The following LAMA3 variants were observed in gnomAD, a reference collection of about 807,000 sequenced individuals.
The protein encoded by LAMA3 is laminin subunit alpha-3.
A neutral mutation model predicts 402.0 loss-of-function variants in LAMA3; 281 were observed. The ratio of observed to expected loss-of-function variants is 0.70; its 90% CI spans 0.63 to 0.77. The LOEUF is 0.77. Ranked by LOEUF, LAMA3 falls within the 30% of genes least tolerant of loss-of-function variation. The pLI, the probability that LAMA3 is intolerant of heterozygous loss-of-function variation, is 0.00. For missense variants in LAMA3, 3,840 were observed against 4,215.5 expected (o/e 0.91, Z 2.47); for synonymous variants, 1,431 against 1,558.4 (o/e 0.92, Z 1.93).
At chr18:23,848,178 C>G (rs892379391) in intron 32 of LAMA3, among the ~76,000 whole-genome samples, 2 of 152,162 alleles carry the variant, frequency 1.3e-5, no homozygotes, top group African/African-American at 4.8e-5. Context: ...GCCTCCACAG[C>G]AGGGCTTGGT....
At chr18:23,763,680 G>A (rs544236058) in intron 8 of LAMA3, among the ~76,000 whole-genome samples, 157 bp downstream of exon 8, 3 of 152,206 alleles carry the variant, frequency 2.0e-5, no homozygotes, top group Non-Finnish European at 4.4e-5. Flanking sequence ...TTGTTAGCTG[G>A]ATGTAATTTA....
At chr18:23,701,704 A>C (rs992990756) in intron 1 of LAMA3, among the ~76,000 whole-genome samples, 4 of 152,168 alleles carry the variant, frequency 2.6e-5, no homozygotes, top group Non-Finnish European at 5.9e-5. Context: ...ATGATTTGCA[A>C]TTTCCGCTGA....
intron 9 of LAMA3, among the ~76,000 whole-genome samples, chr18:23,775,068 G>C (rs1043055414): frequency 1.3e-5 from 2 of 152,130 alleles, no homozygotes; most frequent in Non-Finnish European, 2.9e-5. Context: ...ATTAAGCAAA[G>C]GACACCAGGA....
chr18:23,808,029 C>T (rs2062996940), intron 12 of LAMA3, among the ~76,000 whole-genome samples: 1 of 152,158 alleles, frequency 6.6e-6, no homozygotes, highest in African/African-American at 2.4e-5. Context: ...GCTAGGGGAG[C>T]ATTAGACACG....
chr18:23,720,599 C>G (rs1158246047), intron 2 of LAMA3, among the ~76,000 whole-genome samples: 1 of 152,096 alleles, frequency 6.6e-6, no homozygotes, highest in African/African-American at 2.4e-5. Context: ...CGTGATCCAC[C>G]CACCTCAGCC....
chr18:23,801,240 T>G (rs1429668912), intron 12 of LAMA3, among the ~76,000 whole-genome samples: 1 of 152,030 alleles, frequency 6.6e-6, no homozygotes, highest in African/African-American at 2.4e-5. Context: ...TAACATTGAG[T>G]ACACATGGAC....
intron 32 of LAMA3, among the ~76,000 whole-genome samples, chr18:23,850,711 C>T (rs528032475): frequency 1.5e-3 from 235 of 152,262 alleles, no homozygotes; most frequent in African/African-American, 5.1e-3. Context: ...CTATTTATAG[C>T]GATGAAAAAG....
At chr18:23,795,260 A>G (rs934415530) in intron 12 of LAMA3, among the ~76,000 whole-genome samples, 2 of 152,252 alleles carry the variant, frequency 1.3e-5, no homozygotes, top group Non-Finnish European at 2.9e-5. Flanking sequence ...CGAAACATTC[A>G]TAGCAAGGGA....
In LAMA3 at chr18:23,884,799, G is replaced by C; in HGVS notation, c.5249G>C (p.Gly1750Ala). 1 of 1,613,924 alleles carries C rather than the reference G, an allele frequency of 6.2e-7. No individual in the cohort carries two copies. Among genetic ancestry groups the C allele is most frequent in the South Asian group, 1.1e-5 (1 of 91,032 alleles). ...NSFATGCVVN[G>A]GDVRCSCKAG... Reference sequence around the variant, plus strand: ...TTTGCCACTGGCTGTGTGGTGAATGGGGGAGACGTGCGGTGCTCCTGCAAA... The same window carrying C: ...TTTGCCACTGGCTGTGTGGTGAATGCGGGAGACGTGCGGTGCTCCTGCAAA... The change falls in exon 41 of 75, where the codon GGG becomes GCG. Residue 1750 changes from glycine to alanine, a missense_variant. Transcript: ENST00000313654.
chr18:23,794,248 T>G (rs2062720115), intron 12 of LAMA3, among the ~76,000 whole-genome samples: 1 of 152,142 alleles, frequency 6.6e-6, no homozygotes, highest in East Asian at 1.9e-4. Flanking sequence ...GGGGGAAGAT[T>G]AGAGTCCTGC....
chr18:23,739,373 C>A (rs2061526815), intron 2 of LAMA3, among the ~76,000 whole-genome samples: 1 of 152,126 alleles, frequency 6.6e-6, no homozygotes, highest in South Asian at 2.1e-4. Flanking sequence ...AAAGCTCACT[C>A]CCAAAATAAA....
At chr18:23,787,237 G>T (rs948824295) in intron 12 of LAMA3, among the ~76,000 whole-genome samples, 2 of 152,122 alleles carry the variant, frequency 1.3e-5, no homozygotes, top group Non-Finnish European at 2.9e-5. Flanking sequence ...AGCCAAGATC[G>T]CACCATTGCC....
At chr18:23,790,095 G>A (rs1447354637) in intron 12 of LAMA3, among the ~76,000 whole-genome samples, 1 of 152,184 alleles carries the variant, frequency 6.6e-6, no homozygotes, top group East Asian at 1.9e-4. Flanking sequence ...TTGCAGGGTG[G>A]TGAGTAGCAC....
Position 23,839,075 on chromosome 18 carries a change from A to G in LAMA3, c.3191+197A>G, listed in dbSNP as rs940899205. On this transcript the variant is annotated intron_variant, in intron 26 of 74. Coordinates refer to ENST00000313654, the MANE Select transcript of LAMA3 (RefSeq NM_198129.4). This position sits in a 1 kb window ranked among gnomAD's most constrained non-coding sequence, Gnocchi z 4.5. The stretch of plus-strand genomic sequence containing the variant: ...TTTCCAGAATTCCGTAATATCAGGA[A>G]GCTGACCCAGGAACAACCAGGGAAA... Among the ~76,000 whole-genome samples the G allele has an allele frequency of 1.3e-5, 2 of 152,216 alleles. No homozygotes were observed. Among genetic ancestry groups the G allele is most frequent in the Non-Finnish European group, 2.9e-5 (2 of 68,030 alleles).
intron 12 of LAMA3, among the ~76,000 whole-genome samples, chr18:23,808,102 C>T (rs1598833109): frequency 6.6e-6 from 1 of 152,072 alleles, no homozygotes; most frequent in South Asian, 2.1e-4. Flanking sequence ...ATTCTCTAGT[C>T]TTTGTTCTGG....
At chr18:23,713,713 G>A (rs1250179704) in intron 1 of LAMA3, among the ~76,000 whole-genome samples, 1 of 152,114 alleles carries the variant, frequency 6.6e-6, no homozygotes, top group East Asian at 1.9e-4. Context: ...GCATAAATCG[G>A]TGATAAGGTT....
chr18:23,892,256 T>A (rs1325836983), intron 42 of LAMA3, among the ~76,000 whole-genome samples: 2 of 151,902 alleles, frequency 1.3e-5, no homozygotes, highest in Non-Finnish European at 2.9e-5. Context: ...AACCCTCATT[T>A]CCCCCACGCC....
At chr18:23,739,495 T>C (rs1292354133) in intron 2 of LAMA3, among the ~76,000 whole-genome samples, 1 of 152,204 alleles carries the variant, frequency 6.6e-6, no homozygotes, top group African/African-American at 2.4e-5. Context: ...AGTAAGGGCA[T>C]TGGAAAAACA....
At chr18:23,695,796 CAAAAAAAAAAAAAAAAAAAA>C (rs58873998) in intron 1 of LAMA3, among the ~76,000 whole-genome samples, 28 of 38,638 alleles carry the variant, frequency 7.2e-4, no homozygotes, top group South Asian at 3.7e-3. Flanking sequence ...GACTCCATCT[CAAAAAAAAAAAAAAAAAAAA>C]AAAAAAAAAA....
Sources: allele counts gnomAD v4.1 joint callset (sites outside exome capture counted in the v4.1 genomes callset), GRCh38; gene constraint gnomAD v4.1.1; non-coding constraint Gnocchi (gnomAD v3.1); transcripts MANE v1.5; gene names NCBI Gene and HGNC (gene_info 2026-07-23, HGNC 2026-07-21).